Variants in FOXJ3 observed in about 807,000 individuals in gnomAD.
FOXJ3 encodes forkhead box protein J3.
In FOXJ3, 22 loss-of-function variants were observed where a neutral mutation model predicts 76.1. That is an observed-to-expected ratio of 0.29 (90% CI 0.21 to 0.41). The LOEUF (loss-of-function observed/expected upper bound fraction) is 0.41, where lower values mean the gene tolerates loss of function less well. Ranked by LOEUF, FOXJ3 falls within the 10% of genes least tolerant of loss-of-function variation. The probability of loss-of-function intolerance (pLI) is 1.00; values close to 1 mark genes in which losing one functional copy is unlikely to be tolerated. For missense variants in FOXJ3, 613 were observed against 762.1 expected (o/e 0.80, Z 2.30); for synonymous variants, 269 against 261.2 (o/e 1.03, Z -0.29).
intron 4 of FOXJ3, among the ~76,000 whole-genome samples, chr1:42,254,056 C>T (rs1356717117): frequency 6.6e-6 from 1 of 151,802 alleles, no homozygotes; most frequent in Admixed American, 6.6e-5. Flanking sequence ...ATTTTCACAA[C>T]CTACTCATCT....
chr1:42,198,919 T>C (rs1646705375), intron 7 of FOXJ3, among the ~76,000 whole-genome samples, 183 bp downstream of exon 7: 1 of 152,198 alleles, frequency 6.6e-6, no homozygotes, highest in Non-Finnish European at 1.5e-5. Flanking sequence ...AAATCTAATA[T>C]GGTACCAAAT....
chr1:42,264,253 G>A (rs1444220332), intron 4 of FOXJ3, among the ~76,000 whole-genome samples: 1 of 152,012 alleles, frequency 6.6e-6, no homozygotes, highest in African/African-American at 2.4e-5. Context: ...TCTTCATGAT[G>A]AGTCTTGAAT....
At chr1:42,301,741 A>G (rs1407765569) in intron 2 of FOXJ3, among the ~76,000 whole-genome samples, 3 of 152,110 alleles carry the variant, frequency 2.0e-5, no homozygotes, top group Admixed American at 1.3e-4. Flanking sequence ...TGTGTTTTCA[A>G]CTTTCTCTTG....
At chr1:42,185,625 A>G (rs1646420047) in intron 11 of FOXJ3, among the ~76,000 whole-genome samples, 1 of 152,190 alleles carries the variant, frequency 6.6e-6, no homozygotes, top group African/African-American at 2.4e-5. Flanking sequence ...CTCAGTGCCC[A>G]ATACAAAGCT....
chr1:42,255,059 A>T (rs1650469439), intron 4 of FOXJ3, among the ~76,000 whole-genome samples: 1 of 152,314 alleles, frequency 6.6e-6, no homozygotes, highest in South Asian at 2.1e-4. Context: ...TAACTAAGAA[A>T]ATATTTCCTC....
chr1:42,322,400 T>C lies in FOXJ3; in HGVS notation c.-17-11290A>G, dbSNP rs770109418. ...GAAAATATTTACATTTTCTTAAAGA[T>C]GCATACTGACATAGGGGTGAAAAGA... On this transcript the variant is annotated intron_variant, in intron 1 of 12. Coordinates refer to ENST00000361346, the MANE Select transcript of FOXJ3 (RefSeq NM_014947.5). Among the ~76,000 whole-genome samples the C allele has an allele frequency of 6.6e-5, 10 of 152,144 alleles. No homozygotes were observed. In the South Asian group the frequency reaches 2.1e-3, roughly 32 times the overall value.
intron 2 of FOXJ3, among the ~76,000 whole-genome samples, chr1:42,280,769 A>C (rs990398395): frequency 1.3e-5 from 2 of 152,168 alleles, no homozygotes; most frequent in African/African-American, 4.8e-5. Flanking sequence ...AATAGTTCCC[A>C]CCTCACTGAT....
At chr1:42,220,047 T>C (rs1647149003) in intron 5 of FOXJ3, among the ~76,000 whole-genome samples, 1 of 152,234 alleles carries the variant, frequency 6.6e-6, no homozygotes, top group Non-Finnish European at 1.5e-5. Flanking sequence ...CATTATTTCC[T>C]AATTATAACT....
intron 2 of FOXJ3, among the ~76,000 whole-genome samples, chr1:42,308,876 G>C (rs1466008056): frequency 6.6e-6 from 1 of 151,090 alleles, no homozygotes. Context: ...TTCACATATA[G>C]AGATTTAAAA....
At chr1:42,182,824 C>G (rs1557614530) in intron 11 of FOXJ3, among the ~76,000 whole-genome samples, 1 of 152,066 alleles carries the variant, frequency 6.6e-6, no homozygotes, top group Non-Finnish European at 1.5e-5. Flanking sequence ...TACATCACCA[C>G]CTATTTCTCT....
intron 4 of FOXJ3, among the ~76,000 whole-genome samples, chr1:42,261,298 T>C (rs1283806876): frequency 2.0e-5 from 3 of 151,260 alleles, no homozygotes; most frequent in Admixed American, 2.0e-4. Flanking sequence ...CTGCAGAATG[T>C]ATAGACAGGG....
chr1:42,233,158 T>C (rs929068515), intron 4 of FOXJ3, among the ~76,000 whole-genome samples: 1 of 85,938 alleles, frequency 1.2e-5, no homozygotes, highest in African/African-American at 4.0e-5. Flanking sequence ...TCTATATCTC[T>C]GTTTTGGTAC....
Position 42,278,563 on chromosome 1 carries a change from C to G in FOXJ3, c.154G>C (p.Gly52Arg), listed in dbSNP as rs759085774. 6.2e-7 allele frequency: 1 copy of G among 1,614,166 alleles called. No homozygotes were observed. The highest frequency in any genetic ancestry group is 8.5e-7 in the Non-Finnish European group (1 of 1,180,022). ...AGGAGTGCATTCTTCTTAGAAATTCCTGTTCCATGTGCATTTTGTGTAGCA... is the reference window on the plus strand; with the variant it reads ...AGGAGTGCATTCTTCTTAGAAATTCGTGTTCCATGTGCATTTTGTGTAGCA... Reference protein sequence around the residue: ...SDATQNAHGTGISKKNALLDP... With the variant: ...SDATQNAHGTRISKKNALLDP... The change falls in exon 3 of 13, where the codon GGA becomes CGA. Residue 52 changes from glycine (G) to arginine (R), a missense_variant. Around this residue, in one of 3 missense-constraint regions of FOXJ3, gnomAD observed 77 missense variants for 115.1 expected, o/e 0.67. Transcript: ENST00000361346.
Position 42,232,604 on chromosome 1 carries a change from A to G in FOXJ3, c.445-4638T>C, listed in dbSNP as rs572046045. Reference sequence around the variant, plus strand: ...GGCTGCATAAATGTCTTCTTTTGAGAAGTGTCTGTTCATATCCTTCGCCCA... The same window carrying G: ...GGCTGCATAAATGTCTTCTTTTGAGGAGTGTCTGTTCATATCCTTCGCCCA... On this transcript the variant is annotated intron_variant, in intron 4 of 12. Coordinates refer to ENST00000361346, the MANE Select transcript of FOXJ3 (RefSeq NM_014947.5). Among the ~76,000 whole-genome samples, 284 of 147,148 alleles carry G rather than the reference A, an allele frequency of 1.9e-3. 1 individual carries two copies. Among genetic ancestry groups the G allele is most frequent in the Middle Eastern group, 7.0e-3 (2 of 284 alleles).
intron 1 of FOXJ3, among the ~76,000 whole-genome samples, chr1:42,313,060 C>T (rs545822697): frequency 6.6e-6 from 1 of 152,276 alleles, no homozygotes; most frequent in Non-Finnish European, 1.5e-5. Flanking sequence ...ACCGGCTGGG[C>T]GCAGTGGCTC....
intron 4 of FOXJ3, among the ~76,000 whole-genome samples, chr1:42,234,397 G>A (rs1557660301): frequency 6.6e-6 from 1 of 152,100 alleles, no homozygotes; most frequent in Non-Finnish European, 1.5e-5. Flanking sequence ...TCTTCTCTCA[G>A]CTCGTCAAAG....
intron 4 of FOXJ3, among the ~76,000 whole-genome samples, chr1:42,229,852 T>C (rs1184192415): frequency 6.6e-6 from 1 of 152,202 alleles, no homozygotes; most frequent in Non-Finnish European, 1.5e-5. Flanking sequence ...CCAAAACTCA[T>C]TGGACAATAG....
chr1:42,188,876 C>G lies in FOXJ3; in HGVS notation c.1506G>C (p.Gln502His). ...QADLKNWSLD[Q>H]VQFADLCSSL... The stretch of plus-strand genomic sequence containing the variant: ...AAGAACAAAGATCGGCAAACTGAAC[C>G]TGGTCTAAAGACCAGTTCTTGAGAT... Residue 502 changes from glutamine (Q) to histidine (H), a missense_variant, in exon 11 of 13, where the codon CAG becomes CAC. Physicochemically the swap from Gln to His is conservative, Grantham distance 24. This residue lies in a region of FOXJ3 where 526 missense variants were observed against 601.4 expected (regional missense o/e 0.87). Transcript: ENST00000361346. The G allele has an allele frequency of 1.2e-6, 2 of 1,613,038 alleles. No homozygotes were observed. The highest frequency in any genetic ancestry group is 1.7e-6 in the Non-Finnish European group (2 of 1,179,330).
At chr1:42,291,075 T>TAGAC (rs202052653) in intron 2 of FOXJ3, among the ~76,000 whole-genome samples, 6,884 of 117,320 alleles carry the variant, frequency 0.059, 185 homozygotes, top group African/African-American at 0.089. Context: ...GATAGATAGA[T>TAGAC]AGATAGATAG....
Sources: gnomAD v4.1 joint callset for allele counts (sites outside exome capture counted in the v4.1 genomes callset) on GRCh38, gnomAD v4.1.1 for gene constraint, gnomAD v4.1.1 regional missense constraint, MANE v1.5 for transcripts, NCBI Gene and HGNC (gene_info 2026-07-23, HGNC 2026-07-21) for gene names.